NBEA: variants seen among roughly 807,000 people sequenced by gnomAD.
NBEA encodes the protein neurobeachin.
Under a neutral mutation model 343.4 loss-of-function variants are expected in NBEA, and 44 were observed. The observed-to-expected ratio is 0.13, with a 90% CI of 0.10 to 0.16. The LOEUF (loss-of-function observed/expected upper bound fraction) is 0.16, where lower values mean the gene tolerates loss of function less well. NBEA is among the 10% of genes least tolerant of loss of function. The pLI is 1.00. For synonymous variants in NBEA, 1,175 were observed against 1,238.7 expected, an observed-to-expected ratio of 0.95 and a Z score of 1.08; for missense variants, 2,555 against 3,631.3, an observed-to-expected ratio of 0.70 and a Z score of 7.62.
rs939581887 is a variant in NBEA at position 35,315,296 on chromosome 13, A to G, written c.5903+5704A>G. ...GCAATTGTGCAGTTGTCTACAATTA[A>G]CAGGACAAAAACAGTTGATAAATGT... is the stretch of plus-strand genomic sequence containing the variant. On this transcript the variant is annotated intron_variant, in intron 36 of 58. Coordinates refer to ENST00000379939, the MANE Select transcript of NBEA (RefSeq NM_001385012.1). Among the ~76,000 whole-genome samples, 10 of 152,180 alleles carry G rather than the reference A, an allele frequency of 6.6e-5. No homozygotes were observed. In the South Asian group the frequency reaches 2.1e-3, roughly 31 times the overall value.
intron 34 of NBEA, among the ~76,000 whole-genome samples, chr13:35,280,023 T>C (rs2034933996): frequency 6.6e-6 from 1 of 152,206 alleles, no homozygotes; most frequent in African/African-American, 2.4e-5. Flanking sequence ...TTAAATTATT[T>C]GAAATTTATT....
chr13:35,484,274 G>GTGTA lies in NBEA; in HGVS notation c.6585+11739_6585+11740insGTAT, dbSNP rs540794455. On this transcript the variant is annotated intron_variant, in intron 41 of 58. Transcript: ENST00000379939. ...TGTGTGTGTGTGTGTGTGTGTGTGT[G>GTGTA]TATATATATATATATATATGTAGAC... Among the ~76,000 whole-genome samples the GTGTA allele has an allele frequency of 2.8e-4, 32 of 115,158 alleles. No individual in the cohort carries two copies. The East Asian group carries it at 6.9e-3, about 25-fold the overall frequency. 75.5% of individuals were successfully genotyped at this position (115,158 alleles called of 152,430 possible).
chr13:35,419,405 T>A (rs2044140102), intron 38 of NBEA, among the ~76,000 whole-genome samples: 1 of 152,066 alleles, frequency 6.6e-6, no homozygotes, highest in East Asian at 1.9e-4. Flanking sequence ...CAAGCGCTTT[T>A]CTTTCATGAC....
At chr13:35,330,729 T>C (rs746335594) in intron 36 of NBEA, among the ~76,000 whole-genome samples, 1 of 152,088 alleles carries the variant, frequency 6.6e-6, no homozygotes, top group South Asian at 2.1e-4. Context: ...AAGGCATGAA[T>C]AATTGATAGA....
intron 33 of NBEA, among the ~76,000 whole-genome samples, chr13:35,218,388 A>G (rs1036703542): frequency 4.6e-5 from 7 of 151,972 alleles, no homozygotes; most frequent in Non-Finnish European, 1.0e-4. Flanking sequence ...ATTCCTAATT[A>G]TTTTTCTATA....
At chr13:35,232,115 A>C (rs2075007971) in intron 33 of NBEA, among the ~76,000 whole-genome samples, 1 of 152,168 alleles carries the variant, frequency 6.6e-6, no homozygotes, top group African/African-American at 2.4e-5. Context: ...CAAGAATTAA[A>C]TTATTTGTAA....
chr13:35,085,028 C>A (rs1245866606), intron 10 of NBEA, among the ~76,000 whole-genome samples: 1 of 151,846 alleles, frequency 6.6e-6, no homozygotes, highest in Admixed American at 6.6e-5. Flanking sequence ...CCAAGACTAG[C>A]CCAGGAAGAA....
chr13:35,353,213 A>T (rs2040289632), intron 38 of NBEA, among the ~76,000 whole-genome samples: 1 of 152,132 alleles, frequency 6.6e-6, no homozygotes, highest in Non-Finnish European at 1.5e-5. Flanking sequence ...AGGCTGCTGG[A>T]TCACCTGAGG....
At chr13:35,165,895 G>C (rs1341347896) in intron 24 of NBEA, among the ~76,000 whole-genome samples, 1 of 151,896 alleles carries the variant, frequency 6.6e-6, no homozygotes, top group Non-Finnish European at 1.5e-5. Context: ...ATGTTGGCCA[G>C]GCTGGTTTCA....
At chr13:35,334,865 C>G (rs1169317599) in intron 36 of NBEA, among the ~76,000 whole-genome samples, 1 of 152,124 alleles carries the variant, frequency 6.6e-6, no homozygotes, top group Non-Finnish European at 1.5e-5. Context: ...TTGATGTGAT[C>G]CCATGTGTTC....
chr13:35,671,389 GA>G lies in NBEA; in HGVS notation c.*413del, dbSNP rs35377813. ...CATTTCCAGCCTCTTTTCAAGCTGA[GA>G]AAAAAAAAAAAAAACACGTTTGATA... On this transcript the variant is annotated 3_prime_UTR_variant, in exon 59 of 59. Transcript: ENST00000379939. 20,937 of 113,704 alleles carry G rather than the reference GA, an allele frequency of 0.18. 1,379 individuals are homozygous for G. The highest frequency in any genetic ancestry group is 0.27 in the East Asian group (1,100 of 4,110). 7.0% of individuals were successfully genotyped at this position (113,704 alleles called of 1,614,324 possible).
At chr13:35,339,335 G>A (rs1331331169) in intron 36 of NBEA, among the ~76,000 whole-genome samples, 2 of 150,928 alleles carry the variant, frequency 1.3e-5, no homozygotes, top group African/African-American at 4.9e-5. Flanking sequence ...AATATACAAA[G>A]ATCAATTGCA....
At chr13:35,425,461 G>A (rs1351145462) in intron 38 of NBEA, among the ~76,000 whole-genome samples, 3 of 152,196 alleles carry the variant, frequency 2.0e-5, no homozygotes, top group Non-Finnish European at 4.4e-5. Context: ...GCGGTTTTGA[G>A]TGAGTTTCTT....
At chr13:35,086,266 T>C (rs1004882411) in intron 10 of NBEA, among the ~76,000 whole-genome samples, 9 of 151,978 alleles carry the variant, frequency 5.9e-5, no homozygotes, top group African/African-American at 2.2e-4. Flanking sequence ...GAGCCCGCAT[T>C]GCCAAGTCAA....
intron 36 of NBEA, among the ~76,000 whole-genome samples, chr13:35,341,094 T>C (rs1171804167): frequency 6.6e-6 from 1 of 152,036 alleles, no homozygotes; most frequent in Non-Finnish European, 1.5e-5. Context: ...CATATACTTA[T>C]GGTCAATTTA....
At chr13:35,128,638 T>A (rs1021882991) in intron 17 of NBEA, among the ~76,000 whole-genome samples, 1 of 152,056 alleles carries the variant, frequency 6.6e-6, no homozygotes, top group Non-Finnish European at 1.5e-5. Context: ...AGGGATCTCA[T>A]CATTTAAAAT....
intron 1 of NBEA, among the ~76,000 whole-genome samples, chr13:35,021,323 A>G (rs1187765880): frequency 6.6e-6 from 1 of 152,146 alleles, no homozygotes; most frequent in African/African-American, 2.4e-5. Context: ...AATTTTCAGT[A>G]TGTGGCCTTG....
intron 10 of NBEA, among the ~76,000 whole-genome samples, chr13:35,094,048 A>G (rs1454952230): frequency 6.6e-6 from 1 of 151,900 alleles, no homozygotes. Context: ...TGTTTTCCTC[A>G]GAAGACAAAT....
chr13:34,994,200 A>G (rs2060861008), intron 1 of NBEA, among the ~76,000 whole-genome samples: 3 of 97,502 alleles, frequency 3.1e-5, no homozygotes, highest in Non-Finnish European at 5.6e-5. Flanking sequence ...TCTGTCTCCA[A>G]AAAAAAAAAA....
Sources: gnomAD v4.1 joint callset for allele counts (sites outside exome capture counted in the v4.1 genomes callset) on GRCh38, gnomAD v4.1.1 for gene constraint, MANE v1.5 for transcripts, NCBI Gene and HGNC (gene_info 2026-07-23, HGNC 2026-07-21) for gene names.